SOX6: variants seen among roughly 807,000 people sequenced by gnomAD.
SOX6 encodes SRY-box transcription factor 6, also known as transcription factor SOX-6.
A neutral mutation model predicts 97.8 loss-of-function variants in SOX6; 11 were observed. The ratio of observed to expected loss-of-function variants is 0.11; its 90% CI spans 0.07 to 0.19. SOX6 has a LOEUF of 0.19. Among genes scored for constraint, SOX6 ranks in the 10% least tolerant of loss-of-function variants. SOX6 has a pLI of 1.00. For missense variants in SOX6, 810 were observed against 1,039.5 expected (o/e 0.78, Z 3.04); for synonymous variants, 360 against 371.4 (o/e 0.97, Z 0.35).
chr11:16,233,005 T>G (rs1439104908), intron 4 of SOX6, among the ~76,000 whole-genome samples: 1 of 152,192 alleles, frequency 6.6e-6, no homozygotes, highest in African/African-American at 2.4e-5. Flanking sequence ...AATGATTTAT[T>G]AATTATTTGC....
chr11:16,056,385 T>C (rs1309003825), intron 9 of SOX6, among the ~76,000 whole-genome samples: 3 of 152,164 alleles, frequency 2.0e-5, no homozygotes, highest in Non-Finnish European at 4.4e-5. Context: ...GGTATTCTGA[T>C]CCTTCTGAAT....
chr11:16,009,234 T>C (rs963184745), intron 13 of SOX6, among the ~76,000 whole-genome samples: 1 of 152,102 alleles, frequency 6.6e-6, no homozygotes, highest in African/African-American at 2.4e-5. Flanking sequence ...GCATCATCCC[T>C]AATTGATACT....
At chr11:16,312,950 A>G (rs1855650350) in intron 3 of SOX6, 1 of 152,166 alleles carries the variant, frequency 6.6e-6, no homozygotes, top group Admixed American at 6.6e-5. Context: ...CTGACATTCA[A>G]TCATTCAATC....
intron 4 of SOX6, among the ~76,000 whole-genome samples, chr11:16,537,336 C>T (rs951931459): frequency 6.6e-6 from 1 of 152,092 alleles, no homozygotes; most frequent in Non-Finnish European, 1.5e-5. Flanking sequence ...CATCAAAGAC[C>T]AAAGGTAGAT....
In SOX6 at chr11:16,049,812, T is replaced by C. The variant is rs772200733; in HGVS notation, c.1378A>G (p.Asn460Asp). Residue 460 changes from asparagine (N) to aspartate (D), a missense_variant, in exon 11 of 16, where the codon AAC becomes GAC. By Grantham distance (23) the Asn-to-Asp change is conservative (BLOSUM62 1). Transcript: ENST00000683767. ...ASKTSPVNLPNKSSIPSPIGG... is the reference protein window; with the variant it reads ...ASKTSPVNLPDKSSIPSPIGG... ...ATGGGGCTAGGGATGCTGCTTTTGT[T>C]TGGCAGATTGACAGGGCTGGTTTTG... is the stretch of plus-strand genomic sequence containing the variant. 22 of 1,613,546 alleles carry C rather than the reference T, an allele frequency of 1.4e-5. No individual in the cohort carries two copies. The African/African-American group carries it at 2.0e-4, about 15-fold the overall frequency.
chr11:16,058,285 G>T (rs1847867358), intron 9 of SOX6, among the ~76,000 whole-genome samples: 2 of 151,882 alleles, frequency 1.3e-5, no homozygotes, highest in Non-Finnish European at 2.9e-5. Context: ...ATAGCATCCT[G>T]TTCTCTATTC....
At chr11:16,022,712 C>G (rs1855105122) in intron 12 of SOX6, among the ~76,000 whole-genome samples, 1 of 152,160 alleles carries the variant, frequency 6.6e-6, no homozygotes, top group Non-Finnish European at 1.5e-5. Flanking sequence ...TGCGCCCAAT[C>G]AATGCTTTCC....
At chr11:16,732,082 A>G (rs1848354535) in intron 2 of SOX6, among the ~76,000 whole-genome samples, 1 of 152,240 alleles carries the variant, frequency 6.6e-6, no homozygotes, top group South Asian at 2.1e-4. Context: ...GCTCAAGGAA[A>G]TAAGAGAGGA....
intron 9 of SOX6, among the ~76,000 whole-genome samples, chr11:16,095,169 T>C (rs1358332196): frequency 6.6e-6 from 1 of 151,880 alleles, no homozygotes; most frequent in Non-Finnish European, 1.5e-5. Flanking sequence ...GTGTTTCAGT[T>C]TGAGGTAAAC....
chr11:15,990,254 T>C (rs1004813258), intron 13 of SOX6, among the ~76,000 whole-genome samples: 1 of 152,042 alleles, frequency 6.6e-6, no homozygotes, highest in Non-Finnish European at 1.5e-5. Flanking sequence ...TAATAGATAA[T>C]AAAATATTCA....
intron 4 of SOX6, among the ~76,000 whole-genome samples, chr11:16,534,157 T>G (rs908405111): frequency 6.6e-6 from 1 of 152,144 alleles, no homozygotes; most frequent in Non-Finnish European, 1.5e-5. Flanking sequence ...TTCATTCAAA[T>G]TCTTATTCAT....
chr11:16,263,295 C>CT (rs1853959672), intron 3 of SOX6, among the ~76,000 whole-genome samples: 1 of 151,942 alleles, frequency 6.6e-6, no homozygotes, highest in South Asian at 2.1e-4. Flanking sequence ...CTAGATGTAA[C>CT]TTACTCTGTA....
At chr11:16,026,614 G>GA (rs1482100077) in intron 12 of SOX6, among the ~76,000 whole-genome samples, 2 of 152,194 alleles carry the variant, frequency 1.3e-5, no homozygotes, top group East Asian at 1.9e-4. Context: ...CCTTTCTTCA[G>GA]AAAAAAGCTG....
chr11:16,726,768 C>T lies in SOX6; in HGVS notation n.353+9571G>A, dbSNP rs181517621. On this transcript the variant is annotated intron_variant and non_coding_transcript_variant, in intron 2 of 5. Coordinates refer to the SOX6 transcript ENST00000524520. ...GCTTTACTGTTGATTAGAGCAAAAA[C>T]TAAAATATAACCATTGAAAACAAAG... is the stretch of plus-strand genomic sequence containing the variant. Among the ~76,000 whole-genome samples the T allele has an allele frequency of 4.4e-3, 668 of 152,190 alleles. 4 individuals carry two copies. Among genetic ancestry groups the T allele is most frequent in the African/African-American group, 0.016 (646 of 41,518 alleles).
intron 3 of SOX6, among the ~76,000 whole-genome samples, chr11:16,639,107 G>T (rs1438192701): frequency 6.6e-6 from 1 of 152,164 alleles, no homozygotes; most frequent in Non-Finnish European, 1.5e-5. Flanking sequence ...TGTAAGGAAG[G>T]GATCCAGTTT....
intron 2 of SOX6, among the ~76,000 whole-genome samples, chr11:16,338,989 AC>A (rs965668822): frequency 1.3e-5 from 2 of 151,998 alleles, no homozygotes; most frequent in Non-Finnish European, 2.9e-5. Flanking sequence ...TTCTTCTTCT[AC>A]CCATATTTTC....
chr11:16,047,284 T>G (rs1442745865), intron 11 of SOX6, among the ~76,000 whole-genome samples: 1 of 152,120 alleles, frequency 6.6e-6, no homozygotes, highest in African/African-American at 2.4e-5. Context: ...GTACCCCAGT[T>G]GCTGGCTGGT....
chr11:16,349,675 A>AGGGAGGGAGGAG (rs1444067698), intron 1 of SOX6, among the ~76,000 whole-genome samples: 1 of 57,966 alleles, frequency 1.7e-5, no homozygotes. Flanking sequence ...GGAGGGAGGG[A>AGGGAGGGAGGAG]GGAAGGAAGG....
chr11:16,115,467 G>A (rs562565374), intron 6 of SOX6, among the ~76,000 whole-genome samples: 3 of 152,198 alleles, frequency 2.0e-5, no homozygotes, highest in Admixed American at 6.5e-5. Context: ...CCTGCTCCCC[G>A]TCAAGAGTCT....
Sources: allele counts gnomAD v4.1 joint callset (sites outside exome capture counted in the v4.1 genomes callset), GRCh38; gene constraint gnomAD v4.1.1; transcripts MANE v1.5; gene names NCBI Gene and HGNC (gene_info 2026-07-23, HGNC 2026-07-21).